Variants in KIF1A observed in about 807,000 individuals in gnomAD.
KIF1A encodes the protein kinesin family member 1A, also known as kinesin-like protein KIF1A.
In KIF1A, 46 loss-of-function variants were observed where a neutral mutation model predicts 227.3. The observed-to-expected ratio is 0.20, with a 90% confidence interval of 0.16 to 0.26. KIF1A has a LOEUF of 0.26. Among genes scored for constraint, KIF1A ranks in the 10% least tolerant of loss-of-function variants. KIF1A has a pLI of 1.00. For missense variants in KIF1A, 1,683 were observed against 2,485.9 expected (o/e 0.68, Z 6.87); for synonymous variants, 1,022 against 1,012.8 (o/e 1.01, Z -0.17).
intron 34 of KIF1A, among the ~76,000 whole-genome samples, chr2:240,741,785 C>G (rs1397283947): frequency 2.0e-5 from 3 of 152,220 alleles, no homozygotes; most frequent in Non-Finnish European, 4.4e-5. Context: ...TGGCCACAGC[C>G]TACTACACCT....
intron 15 of KIF1A, 41 bp downstream of exon 15, chr2:240,770,930 C>T (rs2051878054): frequency 1.2e-6 from 2 of 1,602,500 alleles, no homozygotes; most frequent in South Asian, 1.1e-5. Context: ...GCTCCCCACT[C>T]CCAGAGTCTG....
Position 240,750,740 on chromosome 2 carries a change from G to A in KIF1A, c.2859-193C>T, listed in dbSNP as rs538433436. Among the ~76,000 whole-genome samples, 13 of 152,296 alleles carry A rather than the reference G, an allele frequency of 8.5e-5. No individual in the cohort carries two copies. The East Asian group carries it at 2.5e-3, about 29-fold the overall frequency. On this transcript the variant is annotated intron_variant, in intron 27 of 48. Transcript: ENST00000498729. ...CAGGGCAGGCACTCACAGGAGACAGGAGGTGGAGGGACAGAGAGGAGGACG... is the reference window on the plus strand; with the variant it reads ...CAGGGCAGGCACTCACAGGAGACAGAAGGTGGAGGGACAGAGAGGAGGACG...
intron 10 of KIF1A, among the ~76,000 whole-genome samples, chr2:240,777,810 G>A (rs2052974341): frequency 6.6e-6 from 1 of 152,210 alleles, no homozygotes; most frequent in African/African-American, 2.4e-5. Flanking sequence ...CCTGCTCTGG[G>A]CCTGGCTCCT....
chr2:240,775,750 G>T lies in KIF1A; in HGVS notation c.958+101C>A, dbSNP rs1051438229. The T allele has an allele frequency of 7.5e-6, 6 of 794,978 alleles. No homozygotes were observed. The highest frequency in any genetic ancestry group is 1.3e-5 in the Non-Finnish European group (6 of 452,534). 49.2% of individuals were successfully genotyped at this position (794,978 alleles called of 1,614,324 possible). A position where few individuals can be genotyped will look rare whatever the true frequency, so the allele number is the denominator to read the frequency against. On this transcript the variant is annotated intron_variant, in intron 11 of 48. Coordinates refer to ENST00000498729, the MANE Select transcript of KIF1A (RefSeq NM_001244008.2). The surrounding 1 kb of genome is among the most constrained non-coding windows in gnomAD (Gnocchi z 5.5). ...CTCCCAGCCTCAGCCCAGAAAGGGT[G>T]AGAGGCCTGCTGGCGACTGGGCACC...
At position 240,793,116 on chromosome 2, in the gene KIF1A, G is replaced by A. The variant is rs1320112558; in HGVS notation, c.107-3804C>T. On this transcript the variant is annotated intron_variant, in intron 2 of 48. Transcript: ENST00000498729. The surrounding 1 kb of genome is among the most constrained non-coding windows in gnomAD (Gnocchi z 4.8). ...GACCACACGGGTGCTACTGCTGCCC[G>A]TGCAGAGGGGCTTGCCCAGGTCCCC... Among the ~76,000 whole-genome samples, 1 of 152,312 alleles carries A rather than the reference G, an allele frequency of 6.6e-6. No homozygotes were observed.
intron 15 of KIF1A, 90 bp downstream of exon 15, chr2:240,770,881 T>C (rs2051868761): frequency 1.1e-5 from 16 of 1,480,190 alleles, no homozygotes; most frequent in Middle Eastern, 2.4e-4. Flanking sequence ...GAGGATGGGC[T>C]GTACCCAGGA....
chr2:240,787,225 G>A (rs753945100), intron 5 of KIF1A, 26 bp downstream of exon 5: 177 of 1,588,906 alleles, frequency 1.1e-4, no homozygotes, highest in South Asian at 3.8e-4. Flanking sequence ...CTGCCCCAGC[G>A]GCCAACGGCA....
chr2:240,780,205 C>T (rs2053457374), intron 10 of KIF1A, among the ~76,000 whole-genome samples: 1 of 152,056 alleles, frequency 6.6e-6, no homozygotes, highest in African/African-American at 2.4e-5. Flanking sequence ...CCGCCTGGCC[C>T]CCCGCAGTTT....
chr2:240,754,065 T>C (rs1032468342), intron 27 of KIF1A, among the ~76,000 whole-genome samples: 21 of 152,180 alleles, frequency 1.4e-4, no homozygotes, highest in African/African-American at 5.1e-4. Context: ...ACTGTCCTCA[T>C]GCTGGGGGCT....
At chr2:240,804,935 A>G (rs910875503) in intron 1 of KIF1A, among the ~76,000 whole-genome samples, 1 of 151,186 alleles carries the variant, frequency 6.6e-6, no homozygotes, top group Admixed American at 6.6e-5. Context: ...TTAGCTCACA[A>G]TGAAATATTA....
intron 9 of KIF1A, 114 bp from the exon 10 acceptor site, chr2:240,782,721 C>A: frequency 8.8e-7 from 1 of 1,133,024 alleles, no homozygotes. Flanking sequence ...TCAGGCTCTA[C>A]CACCCCGTGG....
At chr2:240,744,696 C>T (rs936830944) in intron 32 of KIF1A, among the ~76,000 whole-genome samples, 1 of 152,188 alleles carries the variant, frequency 6.6e-6, no homozygotes, top group Admixed American at 6.5e-5. Context: ...CCTGCCCACA[C>T]CCTCATCCCG....
rs864309570 is a variant in KIF1A at position 240,750,498 on chromosome 2, G to A, written c.2908C>T (p.Arg970Cys). Residue 970 changes from arginine to cysteine, a missense_variant, in exon 28 of 49, where the codon CGT (arginine) becomes TGT (cysteine). By Grantham distance (180) the Arg-to-Cys change is radical (BLOSUM62 -3). Transcript: ENST00000498729. ...NLLYPVPLVH[R>C]VAIVSEKGEV... ...CCCTTCTCGCTGACGATTGCCACAC[G>A]GTGTACCAGGGGAACGGGGTACAGC... The A allele has an allele frequency of 7.4e-6, 12 of 1,613,804 alleles. No homozygotes were observed. The African/African-American group carries it at 8.0e-5, about 11-fold the overall frequency.
At chr2:240,741,645 C>T (rs1370647938) in intron 34 of KIF1A, among the ~76,000 whole-genome samples, 1 of 152,254 alleles carries the variant, frequency 6.6e-6, no homozygotes, top group Non-Finnish European at 1.5e-5. Context: ...CTCGGCACAG[C>T]TCATGAGGAG....
chr2:240,797,830 C>G lies in KIF1A; in HGVS notation c.-60-18G>C. 1 of 870,452 alleles carries G rather than the reference C, an allele frequency of 1.1e-6. No homozygotes were observed. Among genetic ancestry groups the G allele is most frequent in the Admixed American group, 2.2e-5 (1 of 44,892 alleles). The allele number at this position is 870,452 out of a possible 1,614,324, so 53.9% of individuals were successfully genotyped here. On this transcript the variant is annotated intron_variant, in intron 1 of 48. Transcript: ENST00000498729. ...GGGAACACCTTGGAAAAAAGGGAAA[C>G]ATGAATTAGAAACAATATCTGAGGA...
At chr2:240,786,067 C>T (rs2054707226) in intron 6 of KIF1A, among the ~76,000 whole-genome samples, 1 of 152,180 alleles carries the variant, frequency 6.6e-6, no homozygotes, top group Non-Finnish European at 1.5e-5. Context: ...CAGATGCTGC[C>T]AGCACCCCCC....
At chr2:240,745,322 C>T (rs1487649504) in intron 32 of KIF1A, 105 bp downstream of exon 32, 74 of 923,638 alleles carry the variant, frequency 8.0e-5, no homozygotes, top group South Asian at 7.8e-4. Context: ...CAAGGCAGTC[C>T]TGGCCCACAA....
rs3821346 is a variant in KIF1A at position 240,767,457 on chromosome 2, C to T, written c.1498-112G>A. On this transcript the variant is annotated intron_variant, in intron 17 of 48. Coordinates refer to ENST00000498729, the MANE Select transcript of KIF1A (RefSeq NM_001244008.2). ...CCAGACTACCACCAGGGTCCCTGCC[C>T]CCGCACTTGGCTGGTGCCACCAGGC... The T allele has an allele frequency of 0.18, 153,367 of 853,288 alleles. 15,702 individuals are homozygous for T. The highest frequency in any genetic ancestry group is 0.21 in the Non-Finnish European group (111,649 of 527,210). 52.9% of individuals were successfully genotyped at this position (853,288 alleles called of 1,614,324 possible). A position where few individuals can be genotyped will look rare whatever the true frequency, so the allele number is the denominator to read the frequency against.
intron 38 of KIF1A, among the ~76,000 whole-genome samples, chr2:240,727,963 A>G (rs2125641882): frequency 6.6e-6 from 1 of 152,252 alleles, no homozygotes; most frequent in African/African-American, 2.4e-5. Flanking sequence ...GCAGACCCTG[A>G]GCAGCACGTT....
Sources: gnomAD v4.1 joint callset for allele counts (sites outside exome capture counted in the v4.1 genomes callset) on GRCh38, gnomAD v4.1.1 for gene constraint, Gnocchi (gnomAD v3.1) non-coding constraint, MANE v1.5 for transcripts, NCBI Gene and HGNC (gene_info 2026-07-23, HGNC 2026-07-21) for gene names.